The following TACC1 variants were observed in gnomAD, a reference collection of about 807,000 sequenced individuals.
TACC1 encodes transforming acidic coiled-coil containing protein 1.
Under a neutral mutation model 84.4 loss-of-function variants are expected in TACC1, and 48 were observed. That is an observed-to-expected ratio of 0.57 (90% confidence interval 0.45 to 0.72). TACC1 has a LOEUF of 0.72. TACC1 is among the 30% of genes least tolerant of loss of function. The pLI is 0.00. For missense variants in TACC1, 920 were observed against 973.0 expected (o/e 0.95, Z 0.72); for synonymous variants, 372 against 376.3 (o/e 0.99, Z 0.13).
At chr8:38,781,909 C>A (rs984677360) in intron 3 of TACC1, among the ~76,000 whole-genome samples, 4 of 151,674 alleles carry the variant, frequency 2.6e-5, no homozygotes, top group African/African-American at 9.7e-5. Context: ...TGGACTTGGA[C>A]AGCCCTCTTT....
At chr8:38,825,200 T>C (rs1295067142) in intron 3 of TACC1, 108 bp from the exon 4 acceptor site, 18 of 1,111,592 alleles carry the variant, frequency 1.6e-5, no homozygotes, top group Non-Finnish European at 2.3e-5. Context: ...TGTGTGGTGC[T>C]GTATGCTTTG....
At chr8:38,734,449 G>A (rs567150166) in intron 1 of TACC1, among the ~76,000 whole-genome samples, 1 of 152,300 alleles carries the variant, frequency 6.6e-6, no homozygotes, top group East Asian at 1.9e-4. Flanking sequence ...GCCCTCGTTG[G>A]CCTCCCAAAG....
chr8:38,767,867 C>A (rs1428063221), intron 3 of TACC1, among the ~76,000 whole-genome samples: 2 of 152,108 alleles, frequency 1.3e-5, no homozygotes, highest in Non-Finnish European at 2.9e-5. Context: ...GAGTTTGGGA[C>A]CAGTCTGGGC....
At chr8:38,836,102 G>A in intron 6 of TACC1, 60 bp from the exon 7 acceptor site, 1 of 1,595,976 alleles carries the variant, frequency 6.3e-7, no homozygotes. Flanking sequence ...AGTTGTTGAA[G>A]GATGTCTGGG....
chr8:38,780,266 G>A (rs1815673404), intron 3 of TACC1, among the ~76,000 whole-genome samples: 1 of 146,526 alleles, frequency 6.8e-6, no homozygotes, highest in Non-Finnish European at 1.6e-5. Context: ...TGAGGTAAGG[G>A]TTTAACTTGA....
intron 4 of TACC1, 131 bp downstream of exon 4, chr8:38,825,499 T>TTCCAGA: frequency 2.3e-6 from 2 of 851,898 alleles, no homozygotes; most frequent in Admixed American, 4.4e-5. Flanking sequence ...AGAAGCCAAT[T>TTCCAGA]TCCAGATCCT....
Position 38,827,200 on chromosome 8 carries a change from C to G in TACC1, c.1485C>G (p.Asp495Glu). ...GGGCAGTGATCTCCCAGATTTCAGA[C>G]ATTTCTAATAGGGATGGCCATGCTA... Reference protein sequence around the residue: ...DEGAVISQISDISNRDGHATD... With the variant: ...DEGAVISQISEISNRDGHATD... The change falls in exon 5 of 13, where the codon GAC becomes GAG. Residue 495 changes from aspartate to glutamate, a missense_variant. Physicochemically the swap from Asp to Glu is conservative, Grantham distance 45 (BLOSUM62 2). Around this residue, in one of 2 missense-constraint regions of TACC1, gnomAD observed 762 missense variants for 747.3 expected, o/e 1.02. Transcript: ENST00000317827. 1 of 1,613,998 alleles carries G rather than the reference C, an allele frequency of 6.2e-7. No homozygotes were observed.
chr8:38,754,242 G>C (rs955347471), intron 3 of TACC1, among the ~76,000 whole-genome samples: 2 of 152,068 alleles, frequency 1.3e-5, no homozygotes, highest in Non-Finnish European at 2.9e-5. Flanking sequence ...GTGAGCCACC[G>C]CGCCCGGCCT....
chr8:38,846,742 G>A lies in TACC1; in HGVS notation c.2272G>A (p.Glu758Lys), dbSNP rs1448153871. 1 of 1,614,212 alleles carries A rather than the reference G, an allele frequency of 6.2e-7. No homozygotes were observed. Among genetic ancestry groups the A allele is most frequent in the Admixed American group, 1.7e-5 (1 of 60,034 alleles). Reference protein sequence around the residue: ...IAQVRTKAKAESAALHAGLRK... With the variant: ...IAQVRTKAKAKSAALHAGLRK... ...TCAGGTTCGAACAAAAGCAAAGGCT[G>A]AGAGTGCAGCTCTCCATGCTGGACT... is the stretch of plus-strand genomic sequence containing the variant. The change falls in exon 12 of 13, where the codon GAG becomes AAG. Residue 758 changes from glutamate (E) to lysine (K), a missense_variant. Around this residue, in one of 2 missense-constraint regions of TACC1, gnomAD observed 158 missense variants for 225.6 expected, o/e 0.70. Transcript: ENST00000317827.
chr8:38,765,566 T>A (rs1471188949), intron 3 of TACC1, among the ~76,000 whole-genome samples: 1 of 152,222 alleles, frequency 6.6e-6, no homozygotes, highest in Non-Finnish European at 1.5e-5. Flanking sequence ...CAGCTTTCCC[T>A]TGATGGTTTT....
intron 3 of TACC1, among the ~76,000 whole-genome samples, chr8:38,776,549 T>A (rs1814826527): frequency 6.6e-6 from 1 of 152,242 alleles, no homozygotes; most frequent in African/African-American, 2.4e-5. Flanking sequence ...TCATTATGTT[T>A]CATATACACC....
chr8:38,788,039 C>G (rs548954760), intron 1 of TACC1: 21 of 434,370 alleles, frequency 4.8e-5, no homozygotes, highest in Non-Finnish European at 4.5e-5. Flanking sequence ...CCAGCCCCCG[C>G]CCCTCCACAC....
chr8:38,833,281 A>G (rs1654756227), intron 6 of TACC1, among the ~76,000 whole-genome samples: 1 of 152,252 alleles, frequency 6.6e-6, no homozygotes, highest in Non-Finnish European at 1.5e-5. Flanking sequence ...TACTGCCCCA[A>G]CCAGAAACAG....
intron 1 of TACC1, among the ~76,000 whole-genome samples, chr8:38,737,700 T>A (rs1242787608): frequency 1.3e-5 from 2 of 151,496 alleles, no homozygotes; most frequent in African/African-American, 4.9e-5. Flanking sequence ...AGATCCCATC[T>A]AGACAATAGA....
chr8:38,738,985 G>C (rs1806542441), intron 1 of TACC1, among the ~76,000 whole-genome samples: 1 of 152,150 alleles, frequency 6.6e-6, no homozygotes, highest in Non-Finnish European at 1.5e-5. Flanking sequence ...CCGCCTCCCA[G>C]GTTCAAGCGA....
intron 3 of TACC1, among the ~76,000 whole-genome samples, chr8:38,770,564 C>T (rs1813395059): frequency 1.3e-5 from 2 of 152,182 alleles, no homozygotes; most frequent in Admixed American, 6.5e-5. Context: ...CTGCGGTCTG[C>T]GCCGCGCCTC....
At chr8:38,767,615 C>G (rs879776291) in intron 3 of TACC1, among the ~76,000 whole-genome samples, 2 of 152,226 alleles carry the variant, frequency 1.3e-5, no homozygotes, top group Non-Finnish European at 2.9e-5. Context: ...AGGGCTCTAT[C>G]CTCCCACCAG....
intron 11 of TACC1, 78 bp downstream of exon 11, chr8:38,843,473 T>A: frequency 9.8e-7 from 1 of 1,016,048 alleles, no homozygotes; most frequent in Non-Finnish European, 1.4e-6. Context: ...AATCACTGTT[T>A]CGCAACTCCA....
chr8:38,824,960 A>G (rs1410949988), intron 3 of TACC1, among the ~76,000 whole-genome samples: 1 of 152,178 alleles, frequency 6.6e-6, no homozygotes, highest in African/African-American at 2.4e-5. Context: ...GCTCAGAGGA[A>G]CTGAATGTCT....
Sources: gnomAD v4.1 joint callset for allele counts (sites outside exome capture counted in the v4.1 genomes callset) on GRCh38, gnomAD v4.1.1 for gene constraint, gnomAD v4.1.1 regional missense constraint, MANE v1.5 for transcripts, NCBI Gene and HGNC (gene_info 2026-07-23, HGNC 2026-07-21) for gene names.